Variants in CD109 observed in about 807,000 individuals in gnomAD.
The protein encoded by CD109 is CD109 molecule, also known as CD109 antigen.
A neutral mutation model predicts 165.8 loss-of-function variants in CD109; 149 were observed. The ratio of observed to expected loss-of-function variants is 0.90; its 90% CI spans 0.79 to 1.03. The LOEUF (loss-of-function observed/expected upper bound fraction) is 1.03, where lower values mean the gene tolerates loss of function less well. Ranked by LOEUF, CD109 falls within the 50% of genes least tolerant of loss-of-function variation. The probability of loss-of-function intolerance (pLI) is 0.00; values close to 1 mark genes in which losing one functional copy is unlikely to be tolerated. For missense variants in CD109, 1,712 were observed against 1,677.8 expected, an observed-to-expected ratio of 1.02 and a Z score of -0.36; for synonymous variants, 585 against 592.1, an observed-to-expected ratio of 0.99 and a Z score of 0.18.
chr6:73,693,759 C>A (rs1242817199), upstream of CD109: 1 of 152,244 alleles, frequency 6.6e-6, no homozygotes, highest in Non-Finnish European at 1.5e-5. Context: ...CCATTTTGGC[C>A]AGGCTGGTCT....
At chr6:73,705,653 G>T (rs1172100845) in intron 2 of CD109, among the ~76,000 whole-genome samples, 9 of 151,848 alleles carry the variant, frequency 5.9e-5, no homozygotes, top group Non-Finnish European at 1.0e-4. Context: ...GAAAAGAAAA[G>T]AATAGAATAG....
chr6:73,702,226 C>T (rs1190685811), intron 2 of CD109, among the ~76,000 whole-genome samples: 1 of 152,056 alleles, frequency 6.6e-6, no homozygotes, highest in South Asian at 2.1e-4. Flanking sequence ...GTCTTTCTCA[C>T]ATTGACTATG....
chr6:73,787,783 A>G (rs939515243), intron 21 of CD109, among the ~76,000 whole-genome samples: 1 of 152,168 alleles, frequency 6.6e-6, no homozygotes, highest in Non-Finnish European at 1.5e-5. Context: ...TTTTTCAGTG[A>G]AGGTAAAAGA....
chr6:73,811,139 A>T lies in CD109; in HGVS notation c.3694A>T (p.Thr1232Ser). ...CACACACAACCGCTTACTCCTTCAGACAGCAGAGGTGTGGGCAAGGGGCAG... is the reference window on the plus strand; with the variant it reads ...CACACACAACCGCTTACTCCTTCAGTCAGCAGAGGTGTGGGCAAGGGGCAG... ...IDTHNRLLLQ[T>S]AELAVVQPTA... The change falls in exon 28 of 33, where the codon ACA (threonine) becomes TCA (serine). Residue 1232 changes from threonine (T) to serine (S), a missense_variant. Physicochemically the swap from Thr to Ser is moderately conservative, Grantham distance 58. Transcript: ENST00000287097. 2 of 1,612,696 alleles carry T rather than the reference A, an allele frequency of 1.2e-6. No homozygotes were observed.
rs567278686 is a variant in CD109, at chr6:73,757,273, A to G, written c.673+591A>G. 3.9e-5 allele frequency among the ~76,000 whole-genome samples: 6 copies of G among 152,190 alleles called. No homozygotes were observed. In the East Asian group the frequency reaches 9.6e-4, roughly 24 times the overall value. ...AGCTTCTTTTTTGAGATTGGGTTTT[A>G]TTTAGGCAGTAGAAATTATAATATA... On this transcript the variant is annotated intron_variant, in intron 6 of 32. Coordinates refer to ENST00000287097, the MANE Select transcript of CD109 (RefSeq NM_133493.5).
At chr6:73,745,474 A>G (rs1379945242) in intron 5 of CD109, among the ~76,000 whole-genome samples, 1 of 152,116 alleles carries the variant, frequency 6.6e-6, no homozygotes, top group Non-Finnish European at 1.5e-5. Flanking sequence ...TGCTGTATGC[A>G]TTGGTGGAGA....
At chr6:73,804,133 A>C (rs1229077305) in intron 24 of CD109, 1 of 152,290 alleles carries the variant, frequency 6.6e-6, no homozygotes, top group Non-Finnish European at 1.5e-5. Context: ...TCACATGGCT[A>C]TGCCTAACCT....
At chr6:73,721,224 ATTAC>A (rs1489678069) in intron 2 of CD109, among the ~76,000 whole-genome samples, 1 of 152,184 alleles carries the variant, frequency 6.6e-6, no homozygotes, top group African/African-American at 2.4e-5. Context: ...ATGGTGATGA[ATTAC>A]TTATCTGTTC....
intron 6 of CD109, 63 bp downstream of exon 6, chr6:73,756,745 G>GA: frequency 1.7e-6 from 2 of 1,189,452 alleles, no homozygotes; most frequent in Non-Finnish European, 2.3e-6. Context: ...AGAGATTAGA[G>GA]AAATTTTTAA....
chr6:73,818,417 C>T lies in CD109; in HGVS notation c.3941C>T (p.Ala1314Val). ...SFSGPGRSGM[A>V]LMEVNLLSGF... ...TCGGGCCCGGGTAGGAGTGGCATGG[C>T]TCTTATGGAAGTTAACCTATTAAGT... The change falls in exon 31 of 33, where the codon GCT becomes GTT. Residue 1314 changes from alanine to valine, a missense_variant. Coordinates refer to ENST00000287097, the MANE Select transcript of CD109 (RefSeq NM_133493.5). 1 of 1,613,842 alleles carries T rather than the reference C, an allele frequency of 6.2e-7. No homozygotes were observed. Among genetic ancestry groups the T allele is most frequent in the Non-Finnish European group, 8.5e-7 (1 of 1,179,934 alleles).
rs779122186 is a variant in CD109, at chr6:73,788,594, G to T, written c.2683G>T (p.Val895Phe). 1.7e-5 allele frequency: 28 copies of T among 1,612,704 alleles called. No homozygotes were observed. The highest frequency in any genetic ancestry group is 2.3e-5 in the Non-Finnish European group (27 of 1,179,570). The change falls in exon 22 of 33, where the codon GTT becomes TTT. Residue 895 changes from valine to phenylalanine, a missense_variant. Val to Phe is a conservative substitution (Grantham distance 50). Transcript: ENST00000287097. ...TAATACAGTGACTGGCAGTGAAAGA[G>T]TTCAGATCACTGCAATTGGTAAGAA... ...PPNTVTGSER[V>F]QITAIGDVLG... is the part of the protein sequence containing the mutation.
chr6:73,787,023 TC>T (rs1277932258), intron 20 of CD109, among the ~76,000 whole-genome samples: 1 of 152,172 alleles, frequency 6.6e-6, no homozygotes, highest in Non-Finnish European at 1.5e-5. Flanking sequence ...GATCGCCCTT[TC>T]CCCATGTATC....
At position 73,798,170 on chromosome 6, in the gene CD109, A is replaced by G. The variant is rs563090277; in HGVS notation, c.2879-5050A>G. ...TGCTCTGTCATCCAGTCTGGAGTAC[A>G]GTGGTACGATCTTGGCTCACTGCAA... On this transcript the variant is annotated intron_variant, in intron 23 of 32. Transcript: ENST00000287097. Among the ~76,000 whole-genome samples, 81 of 150,098 alleles carry G rather than the reference A, an allele frequency of 5.4e-4. 2 individuals are homozygous for G. The South Asian group carries it at 0.017, about 31-fold the overall frequency.
rs1313017662 is a variant in CD109 at position 73,818,474 on chromosome 6, T to C, written c.3998T>C (p.Leu1333Pro). 2 of 1,613,524 alleles carry C rather than the reference T, an allele frequency of 1.2e-6. No homozygotes were observed. Among genetic ancestry groups the C allele is most frequent in the Non-Finnish European group, 1.7e-6 (2 of 1,179,880 alleles). ...ATGGTGCCTTCAGAAGCAATTTCTC[T>C]GAGCGAGACAGTGAAGAAAGTGGAA... Reference protein sequence around the residue: ...GFMVPSEAISLSETVKKVEYD... With the variant: ...GFMVPSEAISPSETVKKVEYD... The change falls in exon 31 of 33, where the codon CTG becomes CCG. Residue 1333 changes from leucine to proline, a missense_variant. Leu to Pro is a moderately conservative substitution (Grantham distance 98). Coordinates refer to ENST00000287097, the MANE Select transcript of CD109 (RefSeq NM_133493.5).
chr6:73,710,605 T>G (rs1771492419), intron 2 of CD109, among the ~76,000 whole-genome samples: 1 of 152,156 alleles, frequency 6.6e-6, no homozygotes, highest in East Asian at 1.9e-4. Flanking sequence ...GAATGTTAAC[T>G]ATGTTGTACC....
chr6:73,732,343 T>C (rs919017698), intron 4 of CD109, among the ~76,000 whole-genome samples: 3 of 152,228 alleles, frequency 2.0e-5, no homozygotes, highest in Non-Finnish European at 4.4e-5. Flanking sequence ...CCAAGATATA[T>C]TTGTAGCCAG....
chr6:73,745,979 C>G (rs1044460937), intron 5 of CD109, among the ~76,000 whole-genome samples: 3 of 152,248 alleles, frequency 2.0e-5, no homozygotes, highest in African/African-American at 7.2e-5. Context: ...ATCCGCCTGC[C>G]TCTGCCTTCC....
In CD109 at chr6:73,806,888, A is replaced by G; in HGVS notation, c.3005A>G (p.Tyr1002Cys). 6.2e-7 allele frequency: 1 copy of G among 1,613,870 alleles called. No individual in the cohort carries two copies. The highest frequency in any genetic ancestry group is 8.5e-7 in the Non-Finnish European group (1 of 1,179,926). Residue 1002 changes from tyrosine to cysteine, a missense_variant, in exon 25 of 33, where the codon TAC (tyrosine) becomes TGC (cysteine). Physicochemically the swap from Tyr to Cys is radical, Grantham distance 194. Coordinates refer to ENST00000287097, the MANE Select transcript of CD109 (RefSeq NM_133493.5). ...VLRCFLEADP[Y>C]IDIDQNVLHR... The stretch of plus-strand genomic sequence containing the variant: ...AGATGTTTCCTTGAAGCCGATCCTT[A>G]CATAGATATTGATCAGAATGTGTTA...
chr6:73,730,712 C>G, intron 4 of CD109, 138 bp downstream of exon 4: 1 of 636,402 alleles, frequency 1.6e-6, no homozygotes, highest in South Asian at 2.0e-5. Context: ...TGGAACTCCT[C>G]TAATAGGAAA....
Sources: allele counts gnomAD v4.1 joint callset (sites outside exome capture counted in the v4.1 genomes callset), GRCh38; gene constraint gnomAD v4.1.1; transcripts MANE v1.5; gene names NCBI Gene and HGNC (gene_info 2026-07-23, HGNC 2026-07-21).